Variants in PCDHA12 observed in about 807,000 individuals in gnomAD.
The protein encoded by PCDHA12 is protocadherin alpha-12.
PCDHA12 carries 44 observed loss-of-function variants against 60.0 expected under a neutral mutation model. The observed-to-expected ratio is 0.73, with a 90% CI of 0.58 to 0.94. The LOEUF (loss-of-function observed/expected upper bound fraction) is 0.94. Ranked by LOEUF, PCDHA12 falls within the 40% of genes least tolerant of loss-of-function variation. The pLI is 0.00. For synonymous variants in PCDHA12, 569 were observed against 553.0 expected, an observed-to-expected ratio of 1.03 and a Z score of -0.40; for missense variants, 1,276 against 1,239.7, an observed-to-expected ratio of 1.03 and a Z score of -0.44.
chr5:140,895,822 T>A (rs1353175200), intron 1 of PCDHA12, among the ~76,000 whole-genome samples: 1 of 152,084 alleles, frequency 6.6e-6, no homozygotes, highest in Non-Finnish European at 1.5e-5. Context: ...TTGTATTGTA[T>A]TTTTTTCAGA....
intron 1 of PCDHA12, chr5:140,967,149 C>A (rs781864120): frequency 1.3e-5 from 21 of 1,610,890 alleles, no homozygotes; most frequent in Non-Finnish European, 1.7e-5. Flanking sequence ...GCGCACAACC[C>A]CGTGGCGGTG....
chr5:140,892,413 T>C (rs1554185182), intron 1 of PCDHA12, among the ~76,000 whole-genome samples: 1 of 152,222 alleles, frequency 6.6e-6, no homozygotes, highest in Non-Finnish European at 1.5e-5. Context: ...CTTCAGGTAT[T>C]CTAGATAAAA....
chr5:140,918,403 C>G (rs192008600), intron 1 of PCDHA12, among the ~76,000 whole-genome samples: 1 of 152,278 alleles, frequency 6.6e-6, no homozygotes, highest in African/African-American at 2.4e-5. Flanking sequence ...CCTGATTTCT[C>G]TGGCCAGGAC....
chr5:140,987,892 A>C (rs1383983251), intron 3 of PCDHA12, among the ~76,000 whole-genome samples: 1 of 152,094 alleles, frequency 6.6e-6, no homozygotes, highest in Non-Finnish European at 1.5e-5. Flanking sequence ...TATGTGCCCT[A>C]GTTTTATATG....
chr5:140,877,702 G>T lies in PCDHA12; in HGVS notation c.2230G>T (p.Ala744Ser). ...CAAGCCCACGCTGGTGTGCTCCAGCGCCGTGGGGAGTTGGTCTTACTCGCA... is the reference window on the plus strand; with the variant it reads ...CAAGCCCACGCTGGTGTGCTCCAGCTCCGTGGGGAGTTGGTCTTACTCGCA... The part of the protein sequence containing the change: ...PGKPTLVCSS[A>S]VGSWSYSQQR... The change falls in exon 1 of 4, where the codon GCC becomes TCC. Residue 744 changes from alanine to serine, a missense_variant. By Grantham distance (99) the Ala-to-Ser change is moderately conservative. Transcript: ENST00000398631. 2 of 1,613,996 alleles carry T rather than the reference G, an allele frequency of 1.2e-6. No individual in the cohort carries two copies. Among genetic ancestry groups the T allele is most frequent in the Admixed American group, 3.3e-5 (2 of 60,014 alleles).
intron 1 of PCDHA12, among the ~76,000 whole-genome samples, chr5:140,894,053 T>C (rs782239740): frequency 2.4e-4 from 37 of 152,336 alleles, no homozygotes; most frequent in Non-Finnish European, 5.1e-4. Context: ...CTCTGTTGAA[T>C]TGATTTTTAA....
At chr5:140,981,017 G>T (rs782757397) in intron 2 of PCDHA12, among the ~76,000 whole-genome samples, 42 of 152,076 alleles carry the variant, frequency 2.8e-4, no homozygotes, top group Non-Finnish European at 5.3e-4. Flanking sequence ...ACACTTGAAG[G>T]CTGTTAATAT....
chr5:141,006,568 T>C (rs2098278532), intron 3 of PCDHA12, among the ~76,000 whole-genome samples: 1 of 152,110 alleles, frequency 6.6e-6, no homozygotes, highest in Non-Finnish European at 1.5e-5. Flanking sequence ...CTCTGGCTAC[T>C]GTGTGGAGGG....
intron 1 of PCDHA12, chr5:140,882,695 G>T: frequency 6.2e-7 from 1 of 1,614,192 alleles, no homozygotes; most frequent in Non-Finnish European, 8.5e-7. Flanking sequence ...AATAATCATT[G>T]CAGAATCTAG....
At chr5:140,893,634 T>C (rs2064095604) in intron 1 of PCDHA12, among the ~76,000 whole-genome samples, 1 of 152,236 alleles carries the variant, frequency 6.6e-6, no homozygotes, top group Admixed American at 6.5e-5. Flanking sequence ...CTGCTTGGTA[T>C]AGTATTTTTG....
chr5:140,887,025 T>G (rs1352119867), intron 1 of PCDHA12, among the ~76,000 whole-genome samples: 3 of 152,076 alleles, frequency 2.0e-5, no homozygotes, highest in Non-Finnish European at 4.4e-5. Context: ...CCTGAAAAAT[T>G]TCTTTAATAT....
chr5:140,929,613 C>A, intron 1 of PCDHA12: 6 of 406,162 alleles, frequency 1.5e-5, no homozygotes, highest in Non-Finnish European at 2.7e-5. Flanking sequence ...AATAAAATAC[C>A]AAAATATTTT....
intron 1 of PCDHA12, among the ~76,000 whole-genome samples, chr5:140,913,414 CA>C: frequency 6.6e-6 from 1 of 152,102 alleles, no homozygotes; most frequent in African/African-American, 2.4e-5. Context: ...TGAATTCCTG[CA>C]GTATCAGTTG....
rs78805068 is a variant in PCDHA12, at chr5:140,928,696, C to T, written c.2368-50253C>T. On this transcript the variant is annotated intron_variant, in intron 1 of 3. Transcript: ENST00000398631. ...TGCCTGGCTTTCCTACCACATCTCC[C>T]GGGCGTCTGACTCTAGTCTCTTTAG... The T allele has an allele frequency of 3.2e-3, 5,185 of 1,614,146 alleles. 27 individuals carry two copies. The highest frequency in any genetic ancestry group is 0.019 in the African/African-American group (1,449 of 75,020).
In PCDHA12 at chr5:141,009,796, T is replaced by C; in HGVS notation, c.2685T>C (p.Thr895=). The C allele has an allele frequency of 6.2e-7, 1 of 1,614,046 alleles. No individual in the cohort carries two copies. The highest frequency in any genetic ancestry group is 8.5e-7 in the Non-Finnish European group (1 of 1,180,016). Residue 895 remains threonine (T), a synonymous_variant, in exon 4 of 4, where the codon ACT becomes ACC. Coordinates refer to ENST00000398631, the MANE Select transcript of PCDHA12 (RefSeq NM_018903.4). ...PAIISIRQEP[T]NSQIDKSDFI... ...TCATCTCCATCCGGCAGGAGCCTACTAACAGCCAAATTGACAAAAGTGACT... is the reference window on the plus strand; with the variant it reads ...TCATCTCCATCCGGCAGGAGCCTACCAACAGCCAAATTGACAAAAGTGACT...
intron 3 of PCDHA12, among the ~76,000 whole-genome samples, chr5:141,006,584 GA>G (rs1353712503): frequency 6.6e-6 from 1 of 152,126 alleles, no homozygotes; most frequent in Non-Finnish European, 1.5e-5. Context: ...GAGGGTTGGA[GA>G]GAAGCAAAAG....
At chr5:140,993,667 C>T (rs2097576739) in intron 3 of PCDHA12, among the ~76,000 whole-genome samples, 1 of 152,052 alleles carries the variant, frequency 6.6e-6, no homozygotes, top group African/African-American at 2.4e-5. Context: ...AACAATGGAC[C>T]ACATATGTGA....
In PCDHA12 at chr5:140,875,987, TA is replaced by T. The variant is rs1165213326; in HGVS notation, c.517del (p.Ser173ValfsTer2). 6.2e-7 allele frequency: 1 copy of T among 1,613,914 alleles called. No homozygotes were observed. The highest frequency in any genetic ancestry group is 2.2e-5 in the East Asian group (1 of 44,906). ...GTAAACTCTCTTTTGACCTATGCGT[TA>T]AGTCTAAATGAGAATTTTGAGCTTA... is the stretch of plus-strand genomic sequence containing the variant. ...IGVNSLLTYA[L>X]SLNENFELKI... On this transcript the variant is annotated frameshift_variant, in exon 1 of 4. Coordinates refer to ENST00000398631, the MANE Select transcript of PCDHA12 (RefSeq NM_018903.4). LOFTEE classifies it high-confidence loss of function.
intron 1 of PCDHA12, chr5:140,883,500 G>C (rs1562789727): frequency 6.2e-7 from 1 of 1,614,100 alleles, no homozygotes; most frequent in African/African-American, 1.3e-5. Flanking sequence ...GTGCTGGACA[G>C]CGCCCTGGAC....
Sources: allele counts gnomAD v4.1 joint callset (sites outside exome capture counted in the v4.1 genomes callset), GRCh38; gene constraint gnomAD v4.1.1; transcripts MANE v1.5; gene names NCBI Gene and HGNC (gene_info 2026-07-23, HGNC 2026-07-21).